KIF18A: variants seen among roughly 807,000 people sequenced by gnomAD.
The protein encoded by KIF18A is kinesin-like protein KIF18A.
KIF18A carries 67 observed loss-of-function variants against 103.3 expected under a neutral mutation model. The observed-to-expected ratio is 0.65, with a 90% CI of 0.53 to 0.79. KIF18A has a LOEUF of 0.79. Among genes scored for constraint, KIF18A ranks in the 30% least tolerant of loss-of-function variants. The pLI is 0.00. For missense variants in KIF18A, 1,032 were observed against 1,062.5 expected (o/e 0.97, Z 0.40); for synonymous variants, 367 against 355.5 (o/e 1.03, Z -0.36).
intron 13 of KIF18A, among the ~76,000 whole-genome samples, chr11:28,053,602 C>G (rs1464324588): frequency 6.6e-6 from 1 of 151,888 alleles, no homozygotes; most frequent in Non-Finnish European, 1.5e-5. Context: ...GTGCTGCACC[C>G]ATTAACTTGT....
intron 1 of KIF18A, 46 bp from the exon 2 acceptor site, chr11:28,098,039 T>G (rs1464711478): frequency 1.0e-6 from 1 of 1,003,010 alleles, no homozygotes. Context: ...GTTTTTACTT[T>G]CATGCAAAAC....
intron 1 of KIF18A, among the ~76,000 whole-genome samples, chr11:28,098,410 T>A (rs1851403226): frequency 6.6e-6 from 1 of 152,144 alleles, no homozygotes; most frequent in East Asian, 1.9e-4. Context: ...TAGAAAAGGA[T>A]CTCCCAGAAC....
rs1210495836 is a variant in KIF18A, at chr11:28,097,882, G to A, written c.66C>T (p.Asn22=). The part of the protein sequence containing the change: ...MKVVVRVRPE[N]TKEKAAGFHK... ...GAAATCCAGCTGCTTTTTCTTTAGT[G>A]TTTTCCGGACGTACACGAACTACTA... The change falls in exon 2 of 17, where the codon AAC becomes AAT. Residue 22 remains asparagine, a synonymous_variant. Coordinates refer to ENST00000263181, the MANE Select transcript of KIF18A (RefSeq NM_031217.4). 1.2e-6 allele frequency: 2 copies of A among 1,610,680 alleles called. No homozygotes were observed. The highest frequency in any genetic ancestry group is 2.2e-5 in the East Asian group (1 of 44,834).
In KIF18A at chr11:28,049,208, T is replaced by C. The variant is rs773752852; in HGVS notation, c.1948+9718A>G. On this transcript the variant is annotated intron_variant, in intron 13 of 16. Transcript: ENST00000263181. Reference sequence around the variant, plus strand: ...TTGTTTTAAATAAATCTCTAAAACATAATTGCTAAATGGCAATTCATGTGG... The same window carrying C: ...TTGTTTTAAATAAATCTCTAAAACACAATTGCTAAATGGCAATTCATGTGG... Among the ~76,000 whole-genome samples, 4 of 152,218 alleles carry C rather than the reference T, an allele frequency of 2.6e-5. No homozygotes were observed. In the South Asian group the frequency reaches 6.2e-4, roughly 24 times the overall value.
At chr11:28,030,554 G>A (rs1177050322) in intron 15 of KIF18A, among the ~76,000 whole-genome samples, 2 of 152,236 alleles carry the variant, frequency 1.3e-5, no homozygotes, top group African/African-American at 2.4e-5. Flanking sequence ...AGACTTAAAT[G>A]TTAGAGCTAA....
intron 16 of KIF18A, among the ~76,000 whole-genome samples, chr11:28,022,564 G>A (rs1850261228): frequency 6.6e-6 from 1 of 152,164 alleles, no homozygotes; most frequent in Non-Finnish European, 1.5e-5. Context: ...ACGGCGCCCG[G>A]CCAATTTGAG....
At chr11:28,043,586 T>A (rs1850588229) in intron 13 of KIF18A, among the ~76,000 whole-genome samples, 1 of 151,760 alleles carries the variant, frequency 6.6e-6, no homozygotes, top group Non-Finnish European at 1.5e-5. Context: ...CATCCACAAT[T>A]ACACTGATAT....
In KIF18A at chr11:28,085,229, G is replaced by C. The variant is rs566057386; in HGVS notation, c.898-421C>G. Among the ~76,000 whole-genome samples, 10 of 152,242 alleles carry C rather than the reference G, an allele frequency of 6.6e-5. No individual in the cohort carries two copies. The Middle Eastern group carries it at 0.01, about 155-fold the overall frequency. ...GTCAAGTGGTAATGCCAGTGTCTGG[G>C]AAGACACCCATTACTTAGAAGACCG... On this transcript the variant is annotated intron_variant, in intron 6 of 16. Transcript: ENST00000263181.
At chr11:28,083,670 T>C (rs937362947) in intron 7 of KIF18A, among the ~76,000 whole-genome samples, 1 of 152,112 alleles carries the variant, frequency 6.6e-6, no homozygotes, top group Non-Finnish European at 1.5e-5. Context: ...ATCCAAATAC[T>C]TGATATTGAG....
Position 28,036,351 on chromosome 11 carries a change from A to C in KIF18A, c.2262T>G (p.Pro754=). 1 of 1,611,114 alleles carries C rather than the reference A, an allele frequency of 6.2e-7. No homozygotes were observed. ...CLKMLCEVAI[P]HNRRKECGQE... is the part of the protein sequence containing the mutation. ...GTCCACATTCTTTTCTTCTATTATG[A>C]GGGATAGCTACTTCACACAACATTT... Residue 754 remains proline (P), a synonymous_variant, in exon 14 of 17, where the codon CCT becomes CCG. Coordinates refer to ENST00000263181, the MANE Select transcript of KIF18A (RefSeq NM_031217.4).
chr11:28,049,618 TCTTC>T (rs1211955079), intron 13 of KIF18A, among the ~76,000 whole-genome samples: 1 of 152,032 alleles, frequency 6.6e-6, no homozygotes, highest in Non-Finnish European at 1.5e-5. Flanking sequence ...TGGCAAGGAT[TCTTC>T]CTTTGCAAGC....
intron 13 of KIF18A, among the ~76,000 whole-genome samples, chr11:28,047,680 A>C (rs1372623616): frequency 6.6e-6 from 1 of 152,174 alleles, no homozygotes; most frequent in Non-Finnish European, 1.5e-5. Context: ...GTAAAAAGTA[A>C]TGCAAGTAAT....
chr11:28,057,590 A>T (rs943128018), intron 13 of KIF18A, among the ~76,000 whole-genome samples: 11 of 152,144 alleles, frequency 7.2e-5, no homozygotes, highest in African/African-American at 2.4e-4. Context: ...TTTTTGGTTT[A>T]GGTAAAGATG....
At chr11:28,034,473 A>C (rs1850455198) in intron 15 of KIF18A, among the ~76,000 whole-genome samples, 1 of 151,646 alleles carries the variant, frequency 6.6e-6, no homozygotes, top group South Asian at 2.1e-4. Context: ...ATAAAATCCT[A>C]ATGTGTTTAA....
intron 11 of KIF18A, among the ~76,000 whole-genome samples, chr11:28,066,223 T>C (rs1850921519): frequency 6.6e-6 from 1 of 152,038 alleles, no homozygotes; most frequent in South Asian, 2.1e-4. Context: ...TATTAAATAA[T>C]AAGTGAAATA....
In KIF18A at chr11:28,097,669, AGT is replaced by A; in HGVS notation, c.277_278del (p.Thr93TyrfsTer2). 1 of 1,611,364 alleles carries A rather than the reference AGT, an allele frequency of 6.2e-7. No homozygotes were observed. Among genetic ancestry groups the A allele is most frequent in the Non-Finnish European group, 8.5e-7 (1 of 1,177,982 alleles). Reference sequence around the variant, plus strand: ...AAAAACTACGAAGAATTGGCTTAGTAGTGTGTTCAAAAACTTCTGACTGAGTT... The same window carrying A: ...AAAAACTACGAAGAATTGGCTTAGTAGTGTTCAAAAACTTCTGACTGAGTT... ...TSTQSEVFEHTTKPILRSFLN... is the reference protein window; with the variant it reads ...TSTQSEVFEHXTKPILRSFLN... On this transcript the variant is annotated frameshift_variant, in exon 2 of 17. Coordinates refer to ENST00000263181, the MANE Select transcript of KIF18A (RefSeq NM_031217.4). LOFTEE classifies it high-confidence loss of function.
intron 15 of KIF18A, among the ~76,000 whole-genome samples, chr11:28,030,977 A>G (rs1850394104): frequency 1.3e-5 from 2 of 151,488 alleles, no homozygotes; most frequent in Non-Finnish European, 2.9e-5. Flanking sequence ...CAAAACCACA[A>G]TGAGATACCA....
At chr11:28,086,851 T>C (rs907974370) in intron 6 of KIF18A, among the ~76,000 whole-genome samples, 2 of 152,170 alleles carry the variant, frequency 1.3e-5, no homozygotes, top group South Asian at 2.1e-4. Context: ...ATCTTATGAA[T>C]GGCTTAAGTT....
chr11:28,093,399 A>T (rs553482016), intron 3 of KIF18A, among the ~76,000 whole-genome samples: 84 of 152,274 alleles, frequency 5.5e-4, no homozygotes, highest in Non-Finnish European at 1.1e-3. Context: ...AAACTACAAG[A>T]TGTTAATAAG....
Sources: gnomAD v4.1 joint callset for allele counts (sites outside exome capture counted in the v4.1 genomes callset) on GRCh38, gnomAD v4.1.1 for gene constraint, MANE v1.5 for transcripts, NCBI Gene and HGNC (gene_info 2026-07-23, HGNC 2026-07-21) for gene names.